The following CTNNA1 variants were observed in gnomAD, a reference collection of about 807,000 sequenced individuals.
CTNNA1 encodes the protein catenin alpha 1.
CTNNA1 carries 37 observed loss-of-function variants against 98.4 expected under a neutral mutation model. The observed-to-expected ratio is 0.38, with a 90% CI of 0.29 to 0.49. CTNNA1 has a LOEUF of 0.49. Among genes scored for constraint, CTNNA1 ranks in the 20% least tolerant of loss-of-function variants. CTNNA1 has a pLI of 0.95. For synonymous variants in CTNNA1, 404 were observed against 413.2 expected (o/e 0.98, Z 0.27); for missense variants, 761 against 1,147.2 (o/e 0.66, Z 4.86).
At chr5:138,852,085 T>A (rs1018353998) in intron 7 of CTNNA1, among the ~76,000 whole-genome samples, 20 of 151,900 alleles carry the variant, frequency 1.3e-4, no homozygotes, top group Non-Finnish European at 1.9e-4. Flanking sequence ...AAATAAAAAA[T>A]AAATAAATAA....
intron 11 of CTNNA1, among the ~76,000 whole-genome samples, chr5:138,919,967 ATTTTTTTTTT>A (rs34990349): frequency 3.9e-4 from 31 of 79,410 alleles, no homozygotes; most frequent in Non-Finnish European, 6.8e-4. Context: ...AGCTTTGGCA[ATTTTTTTTTT>A]TTTTTTTTTT....
intron 1 of CTNNA1, among the ~76,000 whole-genome samples, chr5:138,774,797 AT>A (rs1237249396): frequency 6.6e-6 from 1 of 151,728 alleles, no homozygotes; most frequent in Non-Finnish European, 1.5e-5. Context: ...AATTTTTTGT[AT>A]TTTTAGTAGA....
At chr5:138,843,934 G>T (rs1762482629) in intron 7 of CTNNA1, among the ~76,000 whole-genome samples, 1 of 152,172 alleles carries the variant, frequency 6.6e-6, no homozygotes, top group East Asian at 1.9e-4. Flanking sequence ...AATTTTCTTG[G>T]CTAAATTAAA....
At position 138,759,593 on chromosome 5, in the gene CTNNA1, C is replaced by T. The variant is rs918962933; in HGVS notation, c.-3+6083C>T. Among the ~76,000 whole-genome samples the T allele has an allele frequency of 5.9e-5, 9 of 152,264 alleles. No homozygotes were observed. The East Asian group carries it at 1.2e-3, about 20-fold the overall frequency. On this transcript the variant is annotated intron_variant, in intron 1 of 17. Coordinates refer to ENST00000302763, the MANE Select transcript of CTNNA1 (RefSeq NM_001903.5). ...TGGAGGGGGTGCAATAATGGCTATCCTTCTCAGTGTCTGCCTATCCCTGAT... is the reference window on the plus strand; with the variant it reads ...TGGAGGGGGTGCAATAATGGCTATCTTTCTCAGTGTCTGCCTATCCCTGAT...
chr5:138,928,905 C>G (rs959267458), intron 13 of CTNNA1, among the ~76,000 whole-genome samples: 4 of 151,698 alleles, frequency 2.6e-5, no homozygotes, highest in African/African-American at 9.7e-5. Flanking sequence ...CACTGCACTC[C>G]AGCCTGGGTG....
intron 13 of CTNNA1, among the ~76,000 whole-genome samples, chr5:138,926,917 C>T (rs1764191951): frequency 1.3e-5 from 2 of 152,178 alleles, no homozygotes; most frequent in Admixed American, 1.3e-4. Flanking sequence ...CTCACTTGCT[C>T]CACCCAGGCA....
chr5:138,776,050 T>TTTTTTTTTTTTTTTTTG, intron 1 of CTNNA1, among the ~76,000 whole-genome samples: 1 of 145,660 alleles, frequency 6.9e-6, no homozygotes, highest in Non-Finnish European at 1.5e-5. Flanking sequence ...TTTTTTTTTT[T>TTTTTTTTTTTTTTTTTG]TTTTTTTTTT....
chr5:138,933,191 T>TA (rs1372475265), intron 17 of CTNNA1, among the ~76,000 whole-genome samples: 2 of 152,152 alleles, frequency 1.3e-5, no homozygotes, highest in East Asian at 3.8e-4. Flanking sequence ...AGAGAGGAAT[T>TA]AAGAGTAGAC....
Position 138,852,369 on chromosome 5 carries a change from G to A in CTNNA1, c.1062+24651G>A, listed in dbSNP as rs550085432. On this transcript the variant is annotated intron_variant, in intron 7 of 17. Coordinates refer to ENST00000302763, the MANE Select transcript of CTNNA1 (RefSeq NM_001903.5). ...GGTACTTCCTTTCACCTCTTTCTCG[G>A]GCAGTGTTCTAGGATAGTGATTCCA... 2.0e-5 allele frequency among the ~76,000 whole-genome samples: 3 copies of A among 147,282 alleles called. No individual in the cohort carries two copies. The South Asian group carries it at 6.4e-4, about 31-fold the overall frequency.
At chr5:138,782,909 T>G (rs879866732) in intron 2 of CTNNA1, among the ~76,000 whole-genome samples, 6 of 152,220 alleles carry the variant, frequency 3.9e-5, no homozygotes, top group Admixed American at 3.9e-4. Context: ...TTTTTTAATT[T>G]GTAAAATCAA....
At chr5:138,797,694 A>G (rs1757117565) in intron 3 of CTNNA1, among the ~76,000 whole-genome samples, 1 of 152,060 alleles carries the variant, frequency 6.6e-6, no homozygotes, top group Admixed American at 6.6e-5. Context: ...ATGTTTCCAT[A>G]GCTGGATTTC....
chr5:138,907,765 T>C (rs1198098500), intron 10 of CTNNA1, among the ~76,000 whole-genome samples: 1 of 152,222 alleles, frequency 6.6e-6, no homozygotes, highest in Non-Finnish European at 1.5e-5. Context: ...GTAAGGCTAC[T>C]GTTGACCTCT....
At chr5:138,920,397 T>C (rs1253327433) in intron 11 of CTNNA1, among the ~76,000 whole-genome samples, 2 of 152,224 alleles carry the variant, frequency 1.3e-5, no homozygotes, top group East Asian at 3.9e-4. Flanking sequence ...GGAAGCCACA[T>C]CTTGGCCCTG....
chr5:138,826,807 A>G lies in CTNNA1; in HGVS notation c.859-708A>G, dbSNP rs1760765611. ...TTTGTATGTGTGCGCACACGTGTAT[A>G]TATTTTAAGAGACAAAGTCTTGCTC... is the stretch of plus-strand genomic sequence containing the variant. On this transcript the variant is annotated intron_variant, in intron 6 of 17. Transcript: ENST00000302763. Among the ~76,000 whole-genome samples, 3 of 152,318 alleles carry G rather than the reference A, an allele frequency of 2.0e-5. No homozygotes were observed. The South Asian group carries it at 6.2e-4, about 32-fold the overall frequency.
chr5:138,806,672 G>A (rs1382989290), intron 3 of CTNNA1, among the ~76,000 whole-genome samples: 1 of 151,958 alleles, frequency 6.6e-6, no homozygotes, highest in Non-Finnish European at 1.5e-5. Context: ...CCCATCTTCT[G>A]CTTCTTCTAA....
intron 3 of CTNNA1, among the ~76,000 whole-genome samples, chr5:138,806,381 C>T (rs1758088833): frequency 6.6e-6 from 1 of 151,686 alleles, no homozygotes; most frequent in Non-Finnish European, 1.5e-5. Context: ...AAATCTTTCC[C>T]AACTCATGTG....
chr5:138,774,790 T>C (rs905961887), intron 1 of CTNNA1, among the ~76,000 whole-genome samples: 18 of 151,836 alleles, frequency 1.2e-4, no homozygotes, highest in African/African-American at 4.4e-4. Flanking sequence ...CCCAGCTAAT[T>C]TTTTGTATTT....
At chr5:138,820,789 T>A (rs1486518857) in intron 5 of CTNNA1, among the ~76,000 whole-genome samples, 1 of 152,192 alleles carries the variant, frequency 6.6e-6, no homozygotes, top group Non-Finnish European at 1.5e-5. Context: ...CCATCTGATG[T>A]CACTGTTTTA....
chr5:138,838,243 T>A (rs1255730127), intron 7 of CTNNA1, among the ~76,000 whole-genome samples: 1 of 152,196 alleles, frequency 6.6e-6, no homozygotes, highest in African/African-American at 2.4e-5. Flanking sequence ...ATAAATTCAG[T>A]TTCTTCAGTA....
Sources: gnomAD v4.1 joint callset for allele counts (sites outside exome capture counted in the v4.1 genomes callset) on GRCh38, gnomAD v4.1.1 for gene constraint, MANE v1.5 for transcripts, NCBI Gene and HGNC (gene_info 2026-07-23, HGNC 2026-07-21) for gene names.